YIPF1: variants seen among roughly 807,000 people sequenced by gnomAD.
YIPF1 encodes protein YIPF1.
YIPF1 carries 22 observed loss-of-function variants against 37.0 expected under a neutral mutation model. The ratio of observed to expected loss-of-function variants is 0.59; its 90% CI spans 0.42 to 0.85. The LOEUF is 0.85. YIPF1 is among the 40% of genes least tolerant of loss of function. YIPF1 has a pLI of 0.00. For synonymous variants in YIPF1, 128 were observed against 131.9 expected (o/e 0.97, Z 0.21); for missense variants, 355 against 373.1 (o/e 0.95, Z 0.40).
rs1448503233 is a variant in YIPF1, at chr1:53,878,347, C to T, written c.332G>A (p.Arg111Lys). The T allele has an allele frequency of 6.2e-7, 1 of 1,614,068 alleles. No individual in the cohort carries two copies. Among genetic ancestry groups the T allele is most frequent in the South Asian group, 1.1e-5 (1 of 91,068 alleles). ...ATCTGGATTGCTGCGGATATATAAC[C>T]TCACAAAGTTTTTCCCGGGTATTGG... Reference protein sequence around the residue: ...LLPIPGKNFVRLYIRSNPDLY... With the variant: ...LLPIPGKNFVKLYIRSNPDLY... The change falls in exon 6 of 11, where the codon AGG becomes AAG. Residue 111 changes from arginine to lysine, a missense_variant. Coordinates refer to ENST00000072644, the MANE Select transcript of YIPF1 (RefSeq NM_018982.5).
intron 3 of YIPF1, among the ~76,000 whole-genome samples, chr1:53,885,229 G>A (rs1557612027): frequency 6.6e-6 from 1 of 152,164 alleles, no homozygotes; most frequent in Non-Finnish European, 1.5e-5. Context: ...ACCTCTTATT[G>A]ATTGTACAGG....
At chr1:53,872,866 G>GAAAGATT (rs1650229611) in intron 6 of YIPF1, among the ~76,000 whole-genome samples, 1 of 152,146 alleles carries the variant, frequency 6.6e-6, no homozygotes, top group Non-Finnish European at 1.5e-5. Context: ...GCTTTCTGCT[G>GAAAGATT]TAGACAAGGA....
chr1:53,875,301 G>A (rs989542887), intron 6 of YIPF1, among the ~76,000 whole-genome samples: 1 of 152,166 alleles, frequency 6.6e-6, no homozygotes, highest in African/African-American at 2.4e-5. Flanking sequence ...GATTGCTTGA[G>A]GCCAGGAGTT....
intron 3 of YIPF1, among the ~76,000 whole-genome samples, chr1:53,884,923 C>T (rs991695465): frequency 9.2e-5 from 14 of 152,190 alleles, no homozygotes; most frequent in African/African-American, 3.4e-4. Flanking sequence ...TATTGCCTCT[C>T]AACTATATGA....
At chr1:53,868,288 A>T (rs1433481170) in intron 7 of YIPF1, among the ~76,000 whole-genome samples, 1 of 152,138 alleles carries the variant, frequency 6.6e-6, no homozygotes, top group African/African-American at 2.4e-5. Context: ...CTTTATTGAG[A>T]GGCAATGTGG....
intron 3 of YIPF1, among the ~76,000 whole-genome samples, chr1:53,884,507 A>C (rs1283184584): frequency 1.3e-5 from 2 of 152,220 alleles, no homozygotes; most frequent in African/African-American, 4.8e-5. Flanking sequence ...TTCATATAAC[A>C]GTCTCTTAAA....
chr1:53,860,223 C>A, intron 9 of YIPF1, 70 bp from the exon 10 acceptor site: 1 of 1,449,484 alleles, frequency 6.9e-7, no homozygotes, highest in East Asian at 2.3e-5. Context: ...TTTTAGACTC[C>A]ATGCTAACAG....
intron 7 of YIPF1, among the ~76,000 whole-genome samples, chr1:53,869,874 T>C (rs1429138446): frequency 4.2e-4 from 22 of 52,326 alleles, no homozygotes; most frequent in East Asian, 2.0e-3. Context: ...TCTCCCCGCT[T>C]TTTTTTTTTT....
intron 7 of YIPF1, among the ~76,000 whole-genome samples, chr1:53,868,735 G>A (rs1247156565): frequency 6.6e-6 from 1 of 152,026 alleles, no homozygotes; most frequent in East Asian, 1.9e-4. Flanking sequence ...TTATTGATAG[G>A]GCCAATGACT....
chr1:53,879,033 G>A (rs1411904417), intron 4 of YIPF1, among the ~76,000 whole-genome samples: 1 of 151,858 alleles, frequency 6.6e-6, no homozygotes, highest in African/African-American at 2.4e-5. Context: ...ATAGAATTAT[G>A]TACAATAATA....
chr1:53,868,492 A>G (rs1191370208), intron 7 of YIPF1, among the ~76,000 whole-genome samples: 1 of 152,250 alleles, frequency 6.6e-6, no homozygotes, highest in African/African-American at 2.4e-5. Context: ...GAACTGTTCT[A>G]TGTAGAAGAG....
intron 7 of YIPF1, among the ~76,000 whole-genome samples, chr1:53,870,156 G>GTA (rs1187121900): frequency 2.3e-5 from 2 of 87,720 alleles, no homozygotes; most frequent in African/African-American, 1.1e-4. Context: ...ACCGCACCGG[G>GTA]TCTCTTTTTT....
At position 53,871,354 on chromosome 1, in the gene YIPF1, G is replaced by A. The variant is rs1650186882; in HGVS notation, c.481+18C>T. 1 of 1,607,156 alleles carries A rather than the reference G, an allele frequency of 6.2e-7. No homozygotes were observed. Among genetic ancestry groups the A allele is most frequent in the African/African-American group, 1.3e-5 (1 of 74,758 alleles). On this transcript the variant is annotated intron_variant, in intron 7 of 10. Coordinates refer to ENST00000072644, the MANE Select transcript of YIPF1 (RefSeq NM_018982.5). ...TAGAAACTGACAGCATTCCAAATGA[G>A]TCAAGCTATTCACCAACCTTTTCGG...
intron 6 of YIPF1, among the ~76,000 whole-genome samples, chr1:53,876,513 C>T (rs1165952878): frequency 1.3e-5 from 2 of 152,216 alleles, no homozygotes; most frequent in South Asian, 2.1e-4. Context: ...CTTTTAACCA[C>T]GTCTATGAGC....
At chr1:53,878,599 TCTC>T in intron 5 of YIPF1, 40 bp downstream of exon 5, 1 of 1,573,100 alleles carries the variant, frequency 6.4e-7, no homozygotes, top group Non-Finnish European at 8.6e-7. Context: ...AAGAAACAAG[TCTC>T]CTTTACCCGT....
At chr1:53,878,584 C>A in intron 5 of YIPF1, 58 bp downstream of exon 5, 1 of 1,560,082 alleles carries the variant, frequency 6.4e-7, no homozygotes, top group Admixed American at 2.0e-5. Context: ...GTTGTTCAAC[C>A]ATTAAAGAAA....
intron 3 of YIPF1, chr1:53,886,534 CG>C (rs1266248210): frequency 6.6e-6 from 1 of 151,738 alleles, no homozygotes; most frequent in Non-Finnish European, 1.5e-5. Context: ...CGTTCCTCCC[CG>C]GAGAAGCCTT....
At chr1:53,884,666 A>G (rs1377017189) in intron 3 of YIPF1, among the ~76,000 whole-genome samples, 1 of 152,234 alleles carries the variant, frequency 6.6e-6, no homozygotes, top group East Asian at 1.9e-4. Flanking sequence ...GGTGCAAACC[A>G]TTTTCAAGGA....
Position 53,866,192 on chromosome 1 carries a change from A to T in YIPF1, c.831+8T>A, listed in dbSNP as rs1256536192. On this transcript the variant is annotated splice_region_variant and intron_variant, in intron 9 of 10. Transcript: ENST00000072644. ...ACACACCAAAAGAATATACGACTGA[A>T]CCCATACCAAGCAGCCCACAGAAAG... The T allele has an allele frequency of 1.2e-6, 2 of 1,613,326 alleles. No individual in the cohort carries two copies. The highest frequency in any genetic ancestry group is 1.7e-6 in the Non-Finnish European group (2 of 1,179,630).
Sources: allele counts gnomAD v4.1 joint callset (sites outside exome capture counted in the v4.1 genomes callset), GRCh38; gene constraint gnomAD v4.1.1; transcripts MANE v1.5; gene names NCBI Gene and HGNC (gene_info 2026-07-23, HGNC 2026-07-21).